The following ZNF467 variants were observed in gnomAD, a reference collection of about 807,000 sequenced individuals.
ZNF467 encodes zinc finger protein EZI.
ZNF467 carries 51 observed loss-of-function variants against 47.8 expected under a neutral mutation model. That is an observed-to-expected ratio of 1.07 (90% CI 0.85 to 1.35). The LOEUF is 1.35. Ranked by LOEUF, ZNF467 falls within the 40% of genes most tolerant of loss-of-function variation. The pLI is 0.00. For missense variants in ZNF467, 992 were observed against 858.1 expected, an observed-to-expected ratio of 1.16 and a Z score of -1.95; for synonymous variants, 416 against 372.9, an observed-to-expected ratio of 1.12 and a Z score of -1.33.
chr7:149,770,601 G>C (rs2117452058), intron 2 of ZNF467, 45 bp from the exon 3 acceptor site: 1 of 1,524,754 alleles, frequency 6.6e-7, no homozygotes, highest in East Asian at 2.3e-5. Context: ...ATCCAGTACA[G>C]AACAAGTAAT....
upstream of ZNF467, among the ~76,000 whole-genome samples, chr7:149,775,375 G>C (rs1205233459): frequency 6.6e-6 from 1 of 152,108 alleles, no homozygotes; most frequent in Non-Finnish European, 1.5e-5. Context: ...CACTGCCCCC[G>C]ACTCCTCAGT....
upstream of ZNF467, chr7:149,776,145 C>T (rs896463065): frequency 5.0e-5 from 65 of 1,306,204 alleles, no homozygotes; most frequent in African/African-American, 8.0e-4. Flanking sequence ...TGCCGCATGC[C>T]CAGGGACCCT....
intron 4 of ZNF467, among the ~76,000 whole-genome samples, chr7:149,767,092 C>T (rs972432567): frequency 3.9e-5 from 6 of 152,212 alleles, no homozygotes; most frequent in South Asian, 2.1e-4. Context: ...GGGGTCCAGA[C>T]GGGAGGGTCC....
rs757321032 is a variant in ZNF467, at chr7:149,769,252, A to G, written c.152-52T>C. 3.4e-6 allele frequency: 5 copies of G among 1,478,118 alleles called. No individual in the cohort carries two copies. The highest frequency in any genetic ancestry group is 1.7e-4 in the Middle Eastern group (1 of 5,744). The allele number at this position is 1,478,118 out of a possible 1,614,324, so 91.6% of individuals were successfully genotyped here. ...ACTCTGGAGACATCACAGATGGCCA[A>G]AGGGCCCCACTGGTGCTGGGAAGCA... On this transcript the variant is annotated intron_variant, in intron 3 of 4. Coordinates refer to ENST00000302017, the MANE Select transcript of ZNF467 (RefSeq NM_207336.3). The surrounding 1 kb of genome is among the most constrained non-coding windows in gnomAD (Gnocchi z 5.3).
At position 149,765,055 on chromosome 7, in the gene ZNF467, C is replaced by T. The variant is rs777117662; in HGVS notation, c.1447G>A (p.Gly483Ser). The change falls in exon 5 of 5, where the codon GGC becomes AGC. Residue 483 changes from glycine to serine, a missense_variant. Physicochemically the swap from Gly to Ser is moderately conservative, Grantham distance 56. Transcript: ENST00000302017. ...TGAGCGCAGGCGAAAGGCCTGGCGC[C>T]GCTGTGGGCCCTGGAGTGGGCGACC... ...NLVAHSRAHS[G>S]ARPFACAQCG... 14 of 1,500,876 alleles carry T rather than the reference C, an allele frequency of 9.3e-6. No homozygotes were observed. The Admixed American group carries it at 3.0e-4, about 32-fold the overall frequency. The allele number at this position is 1,500,876 out of a possible 1,614,324, so 93.0% of individuals were successfully genotyped here.
rs771799218 is a variant in ZNF467 at position 149,764,860 on chromosome 7, A to G, written c.1642T>C (p.Cys548Arg). 11 of 1,552,816 alleles carry G rather than the reference A, an allele frequency of 7.1e-6. No individual in the cohort carries two copies. In the South Asian group the frequency reaches 7.1e-5, roughly 10 times the overall value. Residue 548 changes from cysteine (C) to arginine (R), a missense_variant, in exon 5 of 5, where the codon TGC becomes CGC. Coordinates refer to ENST00000302017, the MANE Select transcript of ZNF467 (RefSeq NM_207336.3). ...TGSRPFSCPQ[C>R]GKSFSRKTHL... The stretch of plus-strand genomic sequence containing the variant: ...GTCTTGCGGCTGAAGCTCTTTCCGC[A>G]CTGCGGGCAGGAGAAGGGGCGGGAG...
At chr7:149,776,265 C>A (rs1295344141), upstream of ZNF467, 4 of 1,233,578 alleles carry the variant, frequency 3.2e-6, no homozygotes, top group Non-Finnish European at 4.3e-6. Flanking sequence ...CAATAACCAC[C>A]CCTGGGAGTG....
upstream of ZNF467, chr7:149,776,375 G>A (rs371687744): frequency 6.9e-5 from 94 of 1,363,726 alleles, no homozygotes; most frequent in African/African-American, 5.2e-4. Context: ...GAGACCATCC[G>A]TGTGGAGGAG....
At position 149,769,012 on chromosome 7, in the gene ZNF467, G is replaced by GGTA. The variant is rs1203572603; in HGVS notation, c.262+77_262+78insTAC. ...TCTTGGGGGATTACCTGCCTCATGA[G>GGTA]ATAGCAGCTCCGGAGCTTGCTGGGC... On this transcript the variant is annotated intron_variant, in intron 4 of 4. Coordinates refer to ENST00000302017, the MANE Select transcript of ZNF467 (RefSeq NM_207336.3). This position sits in a 1 kb window ranked among gnomAD's most constrained non-coding sequence, Gnocchi z 5.3. 4 of 1,284,322 alleles carry GGTA rather than the reference G, an allele frequency of 3.1e-6. No homozygotes were observed. Among genetic ancestry groups the GGTA allele is most frequent in the Non-Finnish European group, 4.2e-6 (4 of 946,918 alleles). 79.6% of individuals were successfully genotyped at this position (1,284,322 alleles called of 1,614,324 possible). A position where few individuals can be genotyped will look rare whatever the true frequency, so the allele number is the denominator to read the frequency against.
At chr7:149,768,758 G>A (rs1304581974) in intron 4 of ZNF467, among the ~76,000 whole-genome samples, 1 of 152,222 alleles carries the variant, frequency 6.6e-6, no homozygotes, top group Admixed American at 6.5e-5. Context: ...GTTGATCAAA[G>A]CCATGTATCT....
At position 149,765,793 on chromosome 7, in the gene ZNF467, T is replaced by A. The variant is rs764338423; in HGVS notation, c.709A>T (p.Thr237Ser). ...KKAHLTRHLR[T>S]HTGERPYPCA... ...GGGTAGGGCCGCTCGCCCGTGTGCG[T>A]GCGCAGGTGGCGGGTCAGATGGGCC... The change falls in exon 5 of 5, where the codon ACG (threonine) becomes TCG (serine). Residue 237 changes from threonine (T) to serine (S), a missense_variant. Physicochemically the swap from Thr to Ser is moderately conservative, Grantham distance 58. Transcript: ENST00000302017. 1 of 1,611,470 alleles carries A rather than the reference T, an allele frequency of 6.2e-7. No homozygotes were observed. Among genetic ancestry groups the A allele is most frequent in the Non-Finnish European group, 8.5e-7 (1 of 1,179,014 alleles).
intron 4 of ZNF467, among the ~76,000 whole-genome samples, chr7:149,767,886 A>G (rs1054047406): frequency 6.6e-6 from 1 of 152,128 alleles, no homozygotes; most frequent in Non-Finnish European, 1.5e-5. Flanking sequence ...AACAGGTTCT[A>G]GCTGCATCTG....
chr7:149,775,374 C>T (rs913899458), upstream of ZNF467, among the ~76,000 whole-genome samples: 6 of 152,162 alleles, frequency 3.9e-5, no homozygotes, highest in Admixed American at 3.3e-4. Context: ...TCACTGCCCC[C>T]GACTCCTCAG....
chr7:149,770,423 G>C lies in ZNF467; in HGVS notation c.151+17C>G. ...GGGGACTCCTCCCTGAGCCTTTCCA[G>C]GGTTCCTGTTACCTACCTGAGCACA... On this transcript the variant is annotated intron_variant, in intron 3 of 4. Transcript: ENST00000302017. 6.3e-7 allele frequency: 1 copy of C among 1,592,758 alleles called. No individual in the cohort carries two copies. Among genetic ancestry groups the C allele is most frequent in the East Asian group, 2.3e-5 (1 of 43,650 alleles).
rs1452892773 is a variant in ZNF467, at chr7:149,765,981, G to A, written c.521C>T (p.Thr174Met). 1 of 1,555,826 alleles carries A rather than the reference G, an allele frequency of 6.4e-7. No homozygotes were observed. The highest frequency in any genetic ancestry group is 8.7e-7 in the Non-Finnish European group (1 of 1,150,552). Reference sequence around the variant, plus strand: ...GTGCAGCCGCTGGTGCAGTCGCAACGTCAGCTGGTCCCGGAAGCGCCGCTC... The same window carrying A: ...GTGCAGCCGCTGGTGCAGTCGCAACATCAGCTGGTCCCGGAAGCGCCGCTC... The part of the protein sequence containing the change: ...ECERRFRDQL[T>M]LRLHQRLHRG... The change falls in exon 5 of 5, where the codon ACG (threonine) becomes ATG (methionine). Residue 174 changes from threonine (T) to methionine (M), a missense_variant. Physicochemically the swap from Thr to Met is moderately conservative, Grantham distance 81. Coordinates refer to ENST00000302017, the MANE Select transcript of ZNF467 (RefSeq NM_207336.3).
chr7:149,767,365 A>C (rs1799255973), intron 4 of ZNF467, among the ~76,000 whole-genome samples: 1 of 152,236 alleles, frequency 6.6e-6, no homozygotes, highest in Admixed American at 6.5e-5. Context: ...TAAGCAGATA[A>C]TTTGGGTTCC....
chr7:149,772,718 C>G (rs1799463973), intron 1 of ZNF467, among the ~76,000 whole-genome samples: 2 of 149,494 alleles, frequency 1.3e-5, no homozygotes, highest in Non-Finnish European at 3.0e-5. Context: ...CAGCGCCCTC[C>G]TCTCCCGCCC....
intron 4 of ZNF467, among the ~76,000 whole-genome samples, chr7:149,768,721 G>A (rs1013363172): frequency 1.3e-5 from 2 of 152,214 alleles, no homozygotes; most frequent in African/African-American, 2.4e-5. Context: ...GGGGAAGGCG[G>A]CATGTCAGGG....
Position 149,765,220 on chromosome 7 carries a change from C to T in ZNF467, c.1282G>A (p.Glu428Lys), listed in dbSNP as rs991728393. ...CAGTCCGGGCAGAAGAAGGACCGCTCGCCCGAGGGGGCGCGCTGGGGCACC... is the reference window on the plus strand; with the variant it reads ...CAGTCCGGGCAGAAGAAGGACCGCTTGCCCGAGGGGGCGCGCTGGGGCACC... ...PVVPQRAPSG[E>K]RSFFCPDCGR... Residue 428 changes from glutamate to lysine, a missense_variant, in exon 5 of 5, where the codon GAG (glutamate) becomes AAG (lysine). Glu to Lys is a moderately conservative substitution (Grantham distance 56, BLOSUM62 1). Coordinates refer to ENST00000302017, the MANE Select transcript of ZNF467 (RefSeq NM_207336.3). 2 of 1,492,930 alleles carry T rather than the reference C, an allele frequency of 1.3e-6. No individual in the cohort carries two copies. The highest frequency in any genetic ancestry group is 2.6e-5 in the East Asian group (1 of 38,552). 92.5% of individuals were successfully genotyped at this position (1,492,930 alleles called of 1,614,324 possible). A position where few individuals can be genotyped will look rare whatever the true frequency, so the allele number is the denominator to read the frequency against.
Sources: gnomAD v4.1 joint callset for allele counts (sites outside exome capture counted in the v4.1 genomes callset) on GRCh38, gnomAD v4.1.1 for gene constraint, Gnocchi (gnomAD v3.1) non-coding constraint, MANE v1.5 for transcripts, NCBI Gene and HGNC (gene_info 2026-07-23, HGNC 2026-07-21) for gene names.